The following CSMD1 variants were observed in gnomAD, a reference collection of about 807,000 sequenced individuals.
The protein encoded by CSMD1 is CUB and Sushi multiple domains 1.
A neutral mutation model predicts 417.5 loss-of-function variants in CSMD1; 213 were observed. That is an observed-to-expected ratio of 0.51 (90% confidence interval 0.46 to 0.57). The LOEUF (loss-of-function observed/expected upper bound fraction) is 0.57, where lower values mean the gene tolerates loss of function less well. Ranked by LOEUF, CSMD1 falls within the 20% of genes least tolerant of loss-of-function variation. CSMD1 has a pLI of 0.00. For missense variants in CSMD1, 6,923 were observed against 4,529.7 expected, an observed-to-expected ratio of 1.53 and a Z score of -15.17; for synonymous variants, 2,862 against 1,736.8, an observed-to-expected ratio of 1.65 and a Z score of -16.11.
At chr8:4,362,188 A>C (rs57315288) in intron 3 of CSMD1, among the ~76,000 whole-genome samples, 4,808 of 152,252 alleles carry the variant, frequency 0.032, 266 homozygotes, top group African/African-American at 0.11. Flanking sequence ...GAAAAAGTCC[A>C]TTACATCTGT....
chr8:3,305,114 C>G (rs879813608), intron 25 of CSMD1, among the ~76,000 whole-genome samples: 4 of 152,084 alleles, frequency 2.6e-5, no homozygotes, highest in Admixed American at 6.6e-5. Context: ...CAACTGGGCT[C>G]AAGACATCCT....
chr8:4,412,107 G>C lies in CSMD1; in HGVS notation c.415+7846C>G, dbSNP rs965297965. Among the ~76,000 whole-genome samples, 4 of 151,998 alleles carry C rather than the reference G, an allele frequency of 2.6e-5. No individual in the cohort carries two copies. In the East Asian group the frequency reaches 5.8e-4, roughly 22 times the overall value. Reference sequence around the variant, plus strand: ...CGTGCAAGAGTGCGTGCGTGTGTGTGCATGTGTGTTTAGCCAGGGCAAATG... The same window carrying C: ...CGTGCAAGAGTGCGTGCGTGTGTGTCCATGTGTGTTTAGCCAGGGCAAATG... On this transcript the variant is annotated intron_variant, in intron 3 of 69. Coordinates refer to ENST00000635120, the MANE Select transcript of CSMD1 (RefSeq NM_033225.6).
intron 3 of CSMD1, among the ~76,000 whole-genome samples, chr8:4,385,854 T>G (rs1256029128): frequency 6.6e-6 from 1 of 152,214 alleles, no homozygotes; most frequent in East Asian, 1.9e-4. Context: ...AAAATCTGGA[T>G]ATTTAAAAAT....
At chr8:3,302,143 CAATAATGATGA>C (rs563057879) in intron 25 of CSMD1, among the ~76,000 whole-genome samples, 4 of 152,080 alleles carry the variant, frequency 2.6e-5, no homozygotes, top group Non-Finnish European at 2.9e-5. Context: ...GGAATGATGA[CAATAATGATGA>C]AATAATGATG....
chr8:4,059,383 C>T (rs1310386695), intron 3 of CSMD1, among the ~76,000 whole-genome samples: 1 of 151,664 alleles, frequency 6.6e-6, no homozygotes, highest in Non-Finnish European at 1.5e-5. Flanking sequence ...ATTAAAAGAA[C>T]TAGAAAAGCA....
intron 3 of CSMD1, among the ~76,000 whole-genome samples, chr8:4,311,537 A>G (rs888749861): frequency 2.0e-5 from 3 of 152,050 alleles, no homozygotes; most frequent in Non-Finnish European, 4.4e-5. Context: ...AGCCTGACCA[A>G]TACGGTGAAA....
chr8:4,461,596 T>C (rs917464085), intron 2 of CSMD1, among the ~76,000 whole-genome samples: 3 of 151,818 alleles, frequency 2.0e-5, no homozygotes, highest in East Asian at 1.9e-4. Flanking sequence ...CGTTGCCCAG[T>C]CTGAAATGCA....
intron 1 of CSMD1, among the ~76,000 whole-genome samples, chr8:4,961,709 T>G (rs989789302): frequency 6.6e-6 from 1 of 152,132 alleles, no homozygotes; most frequent in South Asian, 2.1e-4. Context: ...AATGATAACG[T>G]AATTTTATTT....
chr8:3,432,833 T>C (rs1352052094), intron 12 of CSMD1, among the ~76,000 whole-genome samples: 1 of 152,150 alleles, frequency 6.6e-6, no homozygotes, highest in Non-Finnish European at 1.5e-5. Context: ...TTATTTTTAT[T>C]CTACATTGTT....
chr8:4,156,490 C>A (rs1006067146), intron 3 of CSMD1, among the ~76,000 whole-genome samples: 1 of 152,116 alleles, frequency 6.6e-6, no homozygotes, highest in African/African-American at 2.4e-5. Context: ...ATGTCCAATT[C>A]TTTATCTTCC....
At chr8:4,327,301 TCTTC>T (rs1169511684) in intron 3 of CSMD1, among the ~76,000 whole-genome samples, 1 of 152,220 alleles carries the variant, frequency 6.6e-6, no homozygotes, top group Non-Finnish European at 1.5e-5. Context: ...TACATTTTTC[TCTTC>T]CTTCTTTTCA....
At chr8:4,646,567 T>G (rs1012920357) in intron 1 of CSMD1, among the ~76,000 whole-genome samples, 1 of 152,218 alleles carries the variant, frequency 6.6e-6, no homozygotes, top group African/African-American at 2.4e-5. Flanking sequence ...GCCTGATTCC[T>G]GGGTGTTCGC....
chr8:3,888,794 G>A (rs550565065), intron 5 of CSMD1, among the ~76,000 whole-genome samples: 3 of 152,196 alleles, frequency 2.0e-5, no homozygotes, highest in Non-Finnish European at 4.4e-5. Context: ...CTTCCAAATA[G>A]CCCTTCTAAA....
chr8:3,706,533 T>C (rs201834076), intron 7 of CSMD1, among the ~76,000 whole-genome samples: 1 of 152,186 alleles, frequency 6.6e-6, no homozygotes, highest in Admixed American at 6.5e-5. Context: ...AGAACGCTAA[T>C]ACCAAATGAG....
rs537553685 is a variant in CSMD1, at chr8:3,323,397, T to A, written c.3632-14894A>T. 2.0e-5 allele frequency among the ~76,000 whole-genome samples: 3 copies of A among 152,168 alleles called. No individual in the cohort carries two copies. In the South Asian group the frequency reaches 6.2e-4, roughly 32 times the overall value. On this transcript the variant is annotated intron_variant, in intron 23 of 69. Transcript: ENST00000635120. ...TTCAATAATCTACCCTTCCCCATTT[T>A]CCCAAGTCACTAATAGTCATCAAAG...
At chr8:3,775,970 A>C (rs1393665993) in intron 5 of CSMD1, among the ~76,000 whole-genome samples, 1 of 152,186 alleles carries the variant, frequency 6.6e-6, no homozygotes, top group African/African-American at 2.4e-5. Context: ...TCATGTCATC[A>C]GCCCAGGCTT....
intron 8 of CSMD1, among the ~76,000 whole-genome samples, chr8:3,592,068 T>G (rs1358543681): frequency 1.3e-5 from 2 of 151,886 alleles, no homozygotes; most frequent in African/African-American, 4.8e-5. Flanking sequence ...GATAGATAGA[T>G]GGAGGAATTG....
chr8:3,000,185 A>T, intron 52 of CSMD1, 54 bp from the exon 53 acceptor site: 3 of 1,335,858 alleles, frequency 2.2e-6, no homozygotes, highest in African/African-American at 1.5e-5. Context: ...TTATAAAAGT[A>T]GTACATTCAC....
At chr8:4,212,548 T>C (rs1461345886) in intron 3 of CSMD1, among the ~76,000 whole-genome samples, 1 of 152,012 alleles carries the variant, frequency 6.6e-6, no homozygotes, top group Non-Finnish European at 1.5e-5. Flanking sequence ...GTAGCCTTTT[T>C]TTTTCTAAAA....
Sources: allele counts gnomAD v4.1 joint callset (sites outside exome capture counted in the v4.1 genomes callset), GRCh38; gene constraint gnomAD v4.1.1; transcripts MANE v1.5; gene names NCBI Gene and HGNC (gene_info 2026-07-23, HGNC 2026-07-21).